The following NEK11 variants were observed in gnomAD, a reference collection of about 807,000 sequenced individuals.
NEK11 encodes the protein serine/threonine-protein kinase Nek11.
In NEK11, 72 loss-of-function variants were observed where a neutral mutation model predicts 80.7. The ratio of observed to expected loss-of-function variants is 0.89; its 90% confidence interval spans 0.74 to 1.08. The LOEUF (loss-of-function observed/expected upper bound fraction) is 1.08, where lower values mean the gene tolerates loss of function less well. Ranked by LOEUF, NEK11 falls within the 50% of genes least tolerant of loss-of-function variation. The pLI is 0.00. For synonymous variants in NEK11, 251 were observed against 260.7 expected, an observed-to-expected ratio of 0.96 and a Z score of 0.36; for missense variants, 764 against 763.6, an observed-to-expected ratio of 1.00 and a Z score of -0.01.
At chr3:131,334,261 A>C (rs1448298191) in intron 17 of NEK11, among the ~76,000 whole-genome samples, 1 of 151,916 alleles carries the variant, frequency 6.6e-6, no homozygotes, top group Admixed American at 6.6e-5. Flanking sequence ...AAATTATAAC[A>C]ACTGTCTCTC....
intron 3 of NEK11, among the ~76,000 whole-genome samples, chr3:131,054,793 TG>T (rs200369734): frequency 0.086 from 7,690 of 89,600 alleles, 340 homozygotes; most frequent in African/African-American, 0.18. Context: ...AATAAATAAA[TG>T]AATGAATGTA....
intron 17 of NEK11, among the ~76,000 whole-genome samples, chr3:131,324,270 G>A (rs534388068): frequency 6.6e-6 from 1 of 152,136 alleles, no homozygotes; most frequent in Non-Finnish European, 1.5e-5. Context: ...GTCAAGAAGA[G>A]GCCTCAGAGG....
chr3:131,126,959 C>CTTTTTTTTTTTTTT (rs71133688), intron 5 of NEK11, among the ~76,000 whole-genome samples: 1 of 90,118 alleles, frequency 1.1e-5, no homozygotes, highest in African/African-American at 4.7e-5. Context: ...TTCTTTCTTT[C>CTTTTTTTTTTTTTT]TTTTTTTTTT....
Position 131,170,777 on chromosome 3 carries a change from C to G in NEK11, c.1289C>G (p.Ser430Cys). The change falls in exon 14 of 18, where the codon TCT (serine) becomes TGT (cysteine). Residue 430 changes from serine to cysteine, a missense_variant. Coordinates refer to ENST00000383366, the MANE Select transcript of NEK11 (RefSeq NM_024800.5). ...TTGTTAATTACCTTCCACAAGGAAT[C>G]TGATGAACCAACTTTAGAGAACCTG... ...EERWQGREEE[S>C]DEPTLENLPE... 1 of 1,606,926 alleles carries G rather than the reference C, an allele frequency of 6.2e-7. No homozygotes were observed. Among genetic ancestry groups the G allele is most frequent in the Non-Finnish European group, 8.5e-7 (1 of 1,173,416 alleles).
chr3:131,244,065 C>G (rs1248766654), intron 16 of NEK11, among the ~76,000 whole-genome samples: 2 of 151,720 alleles, frequency 1.3e-5, no homozygotes, highest in Non-Finnish European at 2.9e-5. Context: ...AACAGTGACA[C>G]AGAGTATTCT....
intron 17 of NEK11, among the ~76,000 whole-genome samples, chr3:131,332,305 T>A (rs1426841100): frequency 2.6e-5 from 4 of 152,200 alleles, no homozygotes; most frequent in Non-Finnish European, 4.4e-5. Context: ...CATTCGTGGT[T>A]CACGAAAATC....
chr3:131,138,558 G>A (rs2086139112), intron 7 of NEK11, among the ~76,000 whole-genome samples: 1 of 152,096 alleles, frequency 6.6e-6, no homozygotes, highest in Non-Finnish European at 1.5e-5. Context: ...AGGGCCTTGA[G>A]TGAACATAGG....
At chr3:131,338,336 C>T (rs573010883) in intron 17 of NEK11, among the ~76,000 whole-genome samples, 1 of 140,050 alleles carries the variant, frequency 7.1e-6, no homozygotes, top group South Asian at 2.6e-4. Context: ...GACTGTCATA[C>T]ACTGCTGGTG....
At chr3:131,068,896 C>T (rs2072596205) in intron 3 of NEK11, among the ~76,000 whole-genome samples, 1 of 152,158 alleles carries the variant, frequency 6.6e-6, no homozygotes, top group Non-Finnish European at 1.5e-5. Context: ...TATGCTTATA[C>T]AGAGTTTCAT....
At chr3:131,137,011 A>G (rs925779) in intron 7 of NEK11, among the ~76,000 whole-genome samples, 11,728 of 152,308 alleles carry the variant, frequency 0.077, 1,009 homozygotes, top group East Asian at 0.43. Context: ...GAACCCAACC[A>G]GATGGCTCTT....
intron 3 of NEK11, among the ~76,000 whole-genome samples, chr3:131,069,343 G>A (rs2148899483): frequency 6.6e-6 from 1 of 152,040 alleles, no homozygotes; most frequent in East Asian, 1.9e-4. Context: ...TGCAATTCTT[G>A]TATTTTTCTG....
At chr3:131,138,209 G>T (rs921759288) in intron 7 of NEK11, among the ~76,000 whole-genome samples, 1 of 152,188 alleles carries the variant, frequency 6.6e-6, no homozygotes, top group Non-Finnish European at 1.5e-5. Context: ...AGGCCTGGTG[G>T]TATTCACCAC....
chr3:131,316,151 A>C (rs2096837568), intron 17 of NEK11, among the ~76,000 whole-genome samples: 1 of 152,232 alleles, frequency 6.6e-6, no homozygotes, highest in African/African-American at 2.4e-5. Context: ...AAAGGAAAAA[A>C]ACATTATGCC....
chr3:131,180,246 C>T (rs1258584579), intron 14 of NEK11, among the ~76,000 whole-genome samples: 1 of 152,176 alleles, frequency 6.6e-6, no homozygotes, highest in Admixed American at 6.5e-5. Flanking sequence ...ACAGTCTTTC[C>T]TGTGCCCAAG....
At chr3:131,174,542 A>G (rs2092897068) in intron 14 of NEK11, among the ~76,000 whole-genome samples, 1 of 152,202 alleles carries the variant, frequency 6.6e-6, no homozygotes, top group African/African-American at 2.4e-5. Flanking sequence ...GAAAGACAGG[A>G]TAAGACTTAT....
At chr3:131,260,154 A>ATTTCAACC (rs2095888975) in intron 16 of NEK11, among the ~76,000 whole-genome samples, 1 of 152,000 alleles carries the variant, frequency 6.6e-6, no homozygotes, top group African/African-American at 2.4e-5. Flanking sequence ...ATCACCCCAA[A>ATTTCAACC]TTTCAACCTT....
intron 5 of NEK11, among the ~76,000 whole-genome samples, chr3:131,121,202 A>G (rs1322677639): frequency 6.6e-6 from 1 of 152,090 alleles, no homozygotes; most frequent in South Asian, 2.1e-4. Flanking sequence ...TTTTCCTTCT[A>G]ATAGTCAGGA....
intron 14 of NEK11, among the ~76,000 whole-genome samples, chr3:131,186,485 G>T (rs901792072): frequency 3.3e-5 from 5 of 152,076 alleles, no homozygotes; most frequent in African/African-American, 4.8e-5. Flanking sequence ...CCTAATTCAC[G>T]CCAAGGAAGG....
chr3:131,058,764 A>G lies in NEK11; in HGVS notation c.171-21659A>G, dbSNP rs138414771. The stretch of plus-strand genomic sequence containing the variant: ...GAAATCAGCCCTAATTTTAGCTGCT[A>G]AGATAGTCATACCTATTAGCTCTCC... On this transcript the variant is annotated intron_variant, in intron 3 of 17. Coordinates refer to ENST00000383366, the MANE Select transcript of NEK11 (RefSeq NM_024800.5). 2.3e-3 allele frequency among the ~76,000 whole-genome samples: 353 copies of G among 152,304 alleles called. 1 individual carries two copies. The highest frequency in any genetic ancestry group is 8.0e-3 in the African/African-American group (332 of 41,568).
Sources: gnomAD v4.1 joint callset for allele counts (sites outside exome capture counted in the v4.1 genomes callset) on GRCh38, gnomAD v4.1.1 for gene constraint, MANE v1.5 for transcripts, NCBI Gene and HGNC (gene_info 2026-07-23, HGNC 2026-07-21) for gene names.